APPBP2: variants seen among roughly 807,000 people sequenced by gnomAD.
APPBP2 encodes amyloid protein-binding protein 2.
Under a neutral mutation model 76.0 loss-of-function variants are expected in APPBP2, and 15 were observed. That is an observed-to-expected ratio of 0.20 (90% CI 0.13 to 0.30). The LOEUF (loss-of-function observed/expected upper bound fraction) is 0.30, where lower values mean the gene tolerates loss of function less well. Ranked by LOEUF, APPBP2 falls within the 10% of genes least tolerant of loss-of-function variation. APPBP2 has a pLI of 1.00. For synonymous variants in APPBP2, 222 were observed against 242.2 expected (o/e 0.92, Z 0.77); for missense variants, 401 against 687.2 (o/e 0.58, Z 4.66).
At chr17:60,494,707 C>T (rs1432322945) in intron 2 of APPBP2, 90 bp from the exon 3 acceptor site, 6 of 1,147,030 alleles carry the variant, frequency 5.2e-6, no homozygotes, top group Non-Finnish European at 7.1e-6. Context: ...AATAATAGCA[C>T]CATTATTTTC....
chr17:60,461,143 G>C (rs995115416), intron 8 of APPBP2: 3 of 157,530 alleles, frequency 1.9e-5, no homozygotes, highest in African/African-American at 7.2e-5. Flanking sequence ...GGGAGGCAAA[G>C]GTGGGTGGAT....
intron 1 of APPBP2, among the ~76,000 whole-genome samples, chr17:60,503,499 C>T (rs906751485): frequency 6.9e-6 from 1 of 145,138 alleles, no homozygotes; most frequent in Non-Finnish European, 1.5e-5. Context: ...GATTCCCTTG[C>T]TTCAGCCTCT....
rs1280285044 is a variant in APPBP2 at position 60,469,540 on chromosome 17, C to G, written c.504-3081G>C. ...CCATCAATACTATCCACTTCCAAAACTTTTTCATCACCCCAAACAGTCCCT... is the reference window on the plus strand; with the variant it reads ...CCATCAATACTATCCACTTCCAAAAGTTTTTCATCACCCCAAACAGTCCCT... On this transcript the variant is annotated intron_variant, in intron 4 of 12. Coordinates refer to ENST00000083182, the MANE Select transcript of APPBP2 (RefSeq NM_006380.5). 4.6e-5 allele frequency among the ~76,000 whole-genome samples: 7 copies of G among 152,168 alleles called. No individual in the cohort carries two copies. In the East Asian group the frequency reaches 1.3e-3, roughly 29 times the overall value.
intron 3 of APPBP2, among the ~76,000 whole-genome samples, chr17:60,486,835 T>C (rs946266392): frequency 8.0e-4 from 122 of 152,320 alleles, no homozygotes; most frequent in African/African-American, 2.6e-3. Flanking sequence ...CTGGTACCGG[T>C]TGTTCCTTTC....
intron 1 of APPBP2, among the ~76,000 whole-genome samples, chr17:60,507,530 T>C (rs2090878466): frequency 6.6e-6 from 1 of 152,096 alleles, no homozygotes; most frequent in East Asian, 1.9e-4. Flanking sequence ...CCCCCTTAAA[T>C]ATTTTCTAAA....
intron 12 of APPBP2, among the ~76,000 whole-genome samples, chr17:60,448,098 T>C (rs1224141398): frequency 6.6e-6 from 1 of 152,176 alleles, no homozygotes; most frequent in Non-Finnish European, 1.5e-5. Context: ...TTGAAAGAAC[T>C]GTTTAAAGAG....
At position 60,526,232 on chromosome 17, in the gene APPBP2, G is replaced by A. The variant is rs1395496845; in HGVS notation, c.-301C>T. On this transcript the variant is annotated 5_prime_UTR_variant, in exon 1 of 13. Transcript: ENST00000083182. Reference sequence around the variant, plus strand: ...CAGCGCTGATCTCTGCAGGGGCGGGGCTGCGTGTGCGGCGTCATGACGTAA... The same window carrying A: ...CAGCGCTGATCTCTGCAGGGGCGGGACTGCGTGTGCGGCGTCATGACGTAA... 1 of 315,318 alleles carries A rather than the reference G, an allele frequency of 3.2e-6. No individual in the cohort carries two copies. The highest frequency in any genetic ancestry group is 2.2e-5 in the African/African-American group (1 of 46,446). 19.5% of individuals were successfully genotyped at this position (315,318 alleles called of 1,614,324 possible). A position where few individuals can be genotyped will look rare whatever the true frequency, so the allele number is the denominator to read the frequency against.
chr17:60,489,339 G>A (rs1195206883), intron 3 of APPBP2, among the ~76,000 whole-genome samples: 2 of 152,016 alleles, frequency 1.3e-5, no homozygotes, highest in Non-Finnish European at 2.9e-5. Flanking sequence ...GGCCAGGCAC[G>A]GTGCCTCAGG....
intron 6 of APPBP2, 30 bp downstream of exon 6, chr17:60,463,991 T>G: frequency 6.9e-7 from 1 of 1,448,754 alleles, no homozygotes; most frequent in Non-Finnish European, 9.5e-7. Flanking sequence ...AATCCTATAA[T>G]TCATTTAATA....
At chr17:60,452,779 C>A (rs1171929555) in intron 11 of APPBP2, among the ~76,000 whole-genome samples, 1 of 151,984 alleles carries the variant, frequency 6.6e-6, no homozygotes, top group Non-Finnish European at 1.5e-5. Flanking sequence ...ACAAACAATA[C>A]AAAAATTAGG....
intron 3 of APPBP2, among the ~76,000 whole-genome samples, chr17:60,483,683 G>A (rs1441025314): frequency 2.0e-5 from 3 of 152,072 alleles, no homozygotes; most frequent in South Asian, 2.1e-4. Context: ...GTGAGCCACC[G>A]CACCTAGCCG....
In APPBP2 at chr17:60,464,068, C is replaced by T; in HGVS notation, c.715G>A (p.Gly239Ser). ...CIEAMKEITA[G>S]LPVKVVVDVL... ...TCCACCACAACTTTCACTGGTAAGCCTGCTGTAATTTCTTTCATTGCCTCG... is the reference window on the plus strand; with the variant it reads ...TCCACCACAACTTTCACTGGTAAGCTTGCTGTAATTTCTTTCATTGCCTCG... The change falls in exon 6 of 13, where the codon GGC becomes AGC. Residue 239 changes from glycine (G) to serine (S), a missense_variant. Gly to Ser is a moderately conservative substitution (Grantham distance 56). Around this residue, in one of 5 missense-constraint regions of APPBP2, gnomAD observed 64 missense variants for 72.9 expected, o/e 0.88. Coordinates refer to ENST00000083182, the MANE Select transcript of APPBP2 (RefSeq NM_006380.5). The T allele has an allele frequency of 6.2e-7, 1 of 1,612,248 alleles. No individual in the cohort carries two copies. The highest frequency in any genetic ancestry group is 8.5e-7 in the Non-Finnish European group (1 of 1,179,346).
At chr17:60,506,116 T>C (rs930098907) in intron 1 of APPBP2, among the ~76,000 whole-genome samples, 1 of 151,930 alleles carries the variant, frequency 6.6e-6, no homozygotes, top group Admixed American at 6.6e-5. Context: ...CAGCCCCAGA[T>C]AGTAGCTGGT....
intron 6 of APPBP2, among the ~76,000 whole-genome samples, chr17:60,463,345 C>A (rs1456431361): frequency 6.6e-6 from 1 of 152,136 alleles, no homozygotes; most frequent in Non-Finnish European, 1.5e-5. Flanking sequence ...TTAACGCAGG[C>A]CAACCGTGGT....
chr17:60,492,654 G>A (rs2090739447), intron 3 of APPBP2, among the ~76,000 whole-genome samples: 1 of 152,074 alleles, frequency 6.6e-6, no homozygotes, highest in Non-Finnish European at 1.5e-5. Flanking sequence ...CCTTCATTTT[G>A]GCCAATTTCT....
chr17:60,500,391 G>T lies in APPBP2; in HGVS notation c.227+8C>A. 1 of 1,570,922 alleles carries T rather than the reference G, an allele frequency of 6.4e-7. No homozygotes were observed. The highest frequency in any genetic ancestry group is 8.7e-7 in the Non-Finnish European group (1 of 1,153,410). Reference sequence around the variant, plus strand: ...GTATATTTTACAATTTTTTAAAAAAGAATTTACCTTTTATCCAAAGCTCTC... The same window carrying T: ...GTATATTTTACAATTTTTTAAAAAATAATTTACCTTTTATCCAAAGCTCTC... On this transcript the variant is annotated splice_region_variant and intron_variant, in intron 2 of 12. Transcript: ENST00000083182.
intron 8 of APPBP2, 151 bp from the exon 9 acceptor site, chr17:60,460,938 G>A (rs1423985606): frequency 3.1e-6 from 2 of 634,968 alleles, no homozygotes; most frequent in African/African-American, 3.7e-5. Context: ...TACAGAACAT[G>A]AAAGTCACCT....
At chr17:60,515,233 A>G (rs1425494748) in intron 1 of APPBP2, among the ~76,000 whole-genome samples, 1 of 149,196 alleles carries the variant, frequency 6.7e-6, no homozygotes, top group Non-Finnish European at 1.5e-5. Flanking sequence ...CTCCTGCCTC[A>G]GCCTTTCAAG....
intron 1 of APPBP2, among the ~76,000 whole-genome samples, chr17:60,523,894 ACTTT>A (rs1490536876): frequency 1.3e-5 from 2 of 152,220 alleles, no homozygotes; most frequent in African/African-American, 4.8e-5. Flanking sequence ...AAATTACTTA[ACTTT>A]CTCACCAATA....
Sources: gnomAD v4.1 joint callset for allele counts (sites outside exome capture counted in the v4.1 genomes callset) on GRCh38, gnomAD v4.1.1 for gene constraint, gnomAD v4.1.1 regional missense constraint, MANE v1.5 for transcripts, NCBI Gene and HGNC (gene_info 2026-07-23, HGNC 2026-07-21) for gene names.